Variants in AKAP9 observed in about 807,000 individuals in gnomAD.
AKAP9 encodes the protein A-kinase anchoring protein 9, also known as A-kinase anchor protein 9.
AKAP9 carries 311 observed loss-of-function variants against 488.5 expected under a neutral mutation model. The ratio of observed to expected loss-of-function variants is 0.64; its 90% CI spans 0.58 to 0.70. The LOEUF (loss-of-function observed/expected upper bound fraction) is 0.70, where lower values mean the gene tolerates loss of function less well. Ranked by LOEUF, AKAP9 falls within the 30% of genes least tolerant of loss-of-function variation. The pLI, the probability that AKAP9 is intolerant of heterozygous loss-of-function variation, is 0.00. For synonymous variants in AKAP9, 1,462 were observed against 1,483.5 expected, an observed-to-expected ratio of 0.99 and a Z score of 0.33; for missense variants, 4,215 against 4,374.5, an observed-to-expected ratio of 0.96 and a Z score of 1.03.
At position 91,953,493 on chromosome 7, in the gene AKAP9, C is replaced by T. The variant is rs1792537799; in HGVS notation, c.48+12346C>T. Reference sequence around the variant, plus strand: ...ACCTCTCTGTTGCTCTGTTCCTCCTCTGGAAAATGAGAACAATAATAGTAC... The same window carrying T: ...ACCTCTCTGTTGCTCTGTTCCTCCTTTGGAAAATGAGAACAATAATAGTAC... On this transcript the variant is annotated intron_variant, in intron 1 of 49. Transcript: ENST00000356239. Among the ~76,000 whole-genome samples, 7 of 152,284 alleles carry T rather than the reference C, an allele frequency of 4.6e-5. No individual in the cohort carries two copies. The South Asian group carries it at 1.4e-3, about 32-fold the overall frequency.
rs765533928 is a variant in AKAP9, at chr7:92,095,108, T to G, written c.9664T>G (p.Trp3222Gly). Residue 3222 changes from tryptophan to glycine, a missense_variant, in exon 40 of 50, where the codon TGG becomes GGG. Coordinates refer to ENST00000356239, the MANE Select transcript of AKAP9 (RefSeq NM_005751.5). ...SEQKKSRELQ[W>G]ALEKEKAKLG... ...ACAGAAAAAATCAAGAGAGCTCCAG[T>G]GGGCTTTGGAGAAAGAGAAAGCCAA... 4.3e-5 allele frequency: 69 copies of G among 1,614,046 alleles called. No individual in the cohort carries two copies. Among genetic ancestry groups the G allele is most frequent in the Non-Finnish European group, 3.6e-5 (42 of 1,180,008 alleles).
Position 92,001,001 on chromosome 7 carries a change from T to C in AKAP9, c.1084T>C (p.Leu362=). ...AACTGCTGATAAATTACTAGGAGAA[T>C]TACAAGAACAGATTGTGCAAAAGAA... ...LTTADKLLGE[L]QEQIVQKNQE... The change falls in exon 8 of 50, where the codon TTA becomes CTA. Residue 362 remains leucine, a synonymous_variant. Coordinates refer to ENST00000356239, the MANE Select transcript of AKAP9 (RefSeq NM_005751.5). 1 of 1,550,164 alleles carries C rather than the reference T, an allele frequency of 6.5e-7. No individual in the cohort carries two copies. The highest frequency in any genetic ancestry group is 1.4e-5 in the African/African-American group (1 of 72,442).
intron 14 of AKAP9, among the ~76,000 whole-genome samples, chr7:92,023,359 G>A (rs929201919): frequency 4.6e-5 from 7 of 152,144 alleles, no homozygotes; most frequent in Non-Finnish European, 1.0e-4. Context: ...AGGAATATAA[G>A]GTAGGATCAT....
intron 7 of AKAP9, among the ~76,000 whole-genome samples, chr7:92,000,097 A>G (rs1185150170): frequency 1.3e-5 from 2 of 152,246 alleles, no homozygotes; most frequent in Non-Finnish European, 2.9e-5. Flanking sequence ...TCACCATAAC[A>G]GATATGCCTT....
At position 92,080,030 on chromosome 7, in the gene AKAP9, GA is replaced by G. The variant is rs1250599910; in HGVS notation, c.7904del (p.Asn2635MetfsTer3). 6.4e-7 allele frequency: 1 copy of G among 1,561,612 alleles called. No individual in the cohort carries two copies. The highest frequency in any genetic ancestry group is 1.2e-5 in the South Asian group (1 of 81,134). On this transcript the variant is annotated frameshift_variant, in exon 31 of 50. Transcript: ENST00000356239. LOFTEE classifies it high-confidence loss of function. ...AGAAAAAGAACAAGTAGAAATTGCA[GA>G]AAAAAATGTTTTAGAAAAAGAAAAG... ...ILEKEQVEIA[E>X]KNVLEKEKKL...
chr7:91,998,572 T>A (rs1798721548), intron 7 of AKAP9, among the ~76,000 whole-genome samples: 1 of 151,908 alleles, frequency 6.6e-6, no homozygotes, highest in Non-Finnish European at 1.5e-5. Context: ...TGGTTGTTAT[T>A]ATATCAGGTG....
rs575158854 is a variant in AKAP9 at position 92,052,806 on chromosome 7, G to A, written c.5449G>A (p.Glu1817Lys). The change falls in exon 22 of 50, where the codon GAA becomes AAA. Residue 1817 changes from glutamate to lysine, a missense_variant. Around this residue, in one of 5 missense-constraint regions of AKAP9, gnomAD observed 2,361 missense variants for 2,430.0 expected, o/e 0.97. Transcript: ENST00000356239. Reference protein sequence around the residue: ...DINMWSKVTEEGTELSQRLVR... With the variant: ...DINMWSKVTEKGTELSQRLVR... ...TAACATGTGGTCAAAAGTAACTGAG[G>A]AAGGAACAGAGCTGTCACAACGACT... is the stretch of plus-strand genomic sequence containing the variant. The A allele has an allele frequency of 1.1e-5, 18 of 1,613,824 alleles. 1 individual carries two copies. The Admixed American group carries it at 3.0e-4, about 27-fold the overall frequency.
rs375244495 is a variant in AKAP9 at position 91,963,482 on chromosome 7, T to TCTCACACACACA, written c.49-10228_49-10227insTCACACACACAC. ...TGTTATTCTGTAGATAACATATTTG[T>TCTCACACACACA]CACACACACACACACACACACACAC... On this transcript the variant is annotated intron_variant, in intron 1 of 49. Transcript: ENST00000356239. Among the ~76,000 whole-genome samples the TCTCACACACACA allele has an allele frequency of 6.6e-3, 921 of 139,296 alleles. 9 individuals carry two copies. Among genetic ancestry groups the TCTCACACACACA allele is most frequent in the East Asian group, 0.015 (70 of 4,716 alleles). The allele number at this position is 139,296 out of a possible 152,430, so 91.4% of individuals were successfully genotyped here. A position where few individuals can be genotyped will look rare whatever the true frequency, so the allele number is the denominator to read the frequency against.
At chr7:92,007,272 A>G (rs1400046673) in intron 8 of AKAP9, among the ~76,000 whole-genome samples, 7 of 148,404 alleles carry the variant, frequency 4.7e-5, no homozygotes, top group Admixed American at 4.1e-4. Context: ...AAGCATGAGA[A>G]CTGAAATTCT....
chr7:91,990,839 C>T (rs1017668877), intron 3 of AKAP9, among the ~76,000 whole-genome samples: 8 of 152,154 alleles, frequency 5.3e-5, no homozygotes, highest in African/African-American at 1.9e-4. Flanking sequence ...CTGTAGTCAA[C>T]CATTATCTGA....
intron 16 of AKAP9, among the ~76,000 whole-genome samples, chr7:92,033,010 A>G (rs1804544239): frequency 6.6e-6 from 1 of 152,224 alleles, no homozygotes; most frequent in Non-Finnish European, 1.5e-5. Flanking sequence ...TTGGCTTAGT[A>G]GCAATTTTTA....
chr7:92,062,182 C>A, intron 23 of AKAP9, 92 bp from the exon 24 acceptor site: 1 of 1,163,028 alleles, frequency 8.6e-7, no homozygotes, highest in Non-Finnish European at 1.3e-6. Flanking sequence ...GAAAGTTTTG[C>A]TAACAGTATA....
chr7:92,002,269 G>T lies in AKAP9; in HGVS notation c.2352G>T (p.Lys784Asn), dbSNP rs892518807. The T allele has an allele frequency of 6.2e-7, 1 of 1,603,016 alleles. No individual in the cohort carries two copies. The change falls in exon 8 of 50, where the codon AAG (lysine) becomes AAT (asparagine). Residue 784 changes from lysine to asparagine, a missense_variant. Transcript: ENST00000356239. ...AGAATAGCATTCTTAAAGATGAAAAGAAAACCCTTGAAGACATGTTGAAAA... is the reference window on the plus strand; with the variant it reads ...AGAATAGCATTCTTAAAGATGAAAATAAAACCCTTGAAGACATGTTGAAAA... ...EAENSILKDE[K>N]KTLEDMLKIH... is the part of the protein sequence containing the mutation.
intron 8 of AKAP9, among the ~76,000 whole-genome samples, chr7:92,008,229 TG>T (rs1357934252): frequency 6.6e-6 from 1 of 151,720 alleles, no homozygotes; most frequent in Non-Finnish European, 1.5e-5. Context: ...TAGCCGGGCA[TG>T]GGGGCGCGTG....
chr7:92,057,103 C>G (rs952889303), intron 22 of AKAP9, among the ~76,000 whole-genome samples: 1 of 151,948 alleles, frequency 6.6e-6, no homozygotes, highest in Non-Finnish European at 1.5e-5. Flanking sequence ...GTATAGTTTT[C>G]AACTGTTACA....
intron 35 of AKAP9, 150 bp from the exon 36 acceptor site, chr7:92,085,345 C>A: frequency 1.3e-6 from 1 of 752,724 alleles, no homozygotes; most frequent in Non-Finnish European, 2.2e-6. Context: ...GTTGGCTTAC[C>A]CCTCCACAGG....
intron 3 of AKAP9, among the ~76,000 whole-genome samples, chr7:91,985,700 T>C (rs1477420818): frequency 1.3e-5 from 2 of 152,034 alleles, no homozygotes; most frequent in African/African-American, 4.8e-5. Context: ...CAGGCTGGAG[T>C]GCAGTGGCAT....
At chr7:91,981,495 A>G (rs141088650) in intron 3 of AKAP9, among the ~76,000 whole-genome samples, 1 of 152,064 alleles carries the variant, frequency 6.6e-6, no homozygotes, top group African/African-American at 2.4e-5. Flanking sequence ...TGATTTTAGT[A>G]TCCTTAGGGG....
At chr7:92,012,730 AC>A (rs1421417857) in intron 9 of AKAP9, 88 bp downstream of exon 9, 26 of 1,097,080 alleles carry the variant, frequency 2.4e-5, no homozygotes, top group Non-Finnish European at 3.4e-5. Context: ...TTGTCATAGA[AC>A]CCACAGAGGA....
Sources: allele counts gnomAD v4.1 joint callset (sites outside exome capture counted in the v4.1 genomes callset), GRCh38; gene constraint gnomAD v4.1.1; regional missense constraint gnomAD v4.1.1; transcripts MANE v1.5; gene names NCBI Gene and HGNC (gene_info 2026-07-23, HGNC 2026-07-21).